Variants in SUGCT observed in about 807,000 individuals in gnomAD.
SUGCT encodes the protein succinyl-CoA:glutarate CoA-transferase.
A neutral mutation model predicts 55.0 loss-of-function variants in SUGCT; 41 were observed. That is an observed-to-expected ratio of 0.74 (90% CI 0.58 to 0.97). The LOEUF is 0.97. Ranked by LOEUF, SUGCT falls within the 50% of genes least tolerant of loss-of-function variation. The pLI, the probability that SUGCT is intolerant of heterozygous loss-of-function variation, is 0.00. For synonymous variants in SUGCT, 187 were observed against 200.4 expected, an observed-to-expected ratio of 0.93 and a Z score of 0.56; for missense variants, 568 against 547.8, an observed-to-expected ratio of 1.04 and a Z score of -0.37.
intron 9 of SUGCT, among the ~76,000 whole-genome samples, chr7:40,390,169 G>A (rs984422879): frequency 6.6e-6 from 1 of 152,098 alleles, no homozygotes; most frequent in Non-Finnish European, 1.5e-5. Flanking sequence ...CAAACCCACA[G>A]CCAATATCAT....
chr7:41,021,403 A>G, the SUGCT span, among the ~76,000 whole-genome samples: 1 of 152,138 alleles, frequency 6.6e-6, no homozygotes, highest in African/African-American at 2.4e-5. Context: ...ACTTTATCCA[A>G]CTGTTTTGTA....
intron 12 of SUGCT, among the ~76,000 whole-genome samples, chr7:40,709,919 CAG>C (rs1785622651): frequency 6.6e-6 from 1 of 152,164 alleles, no homozygotes; most frequent in African/African-American, 2.4e-5. Context: ...TGCTGCTAGT[CAG>C]GGGTTAGGAA....
chr7:40,910,955 G>A, the SUGCT span, among the ~76,000 whole-genome samples: 1 of 152,168 alleles, frequency 6.6e-6, no homozygotes, highest in African/African-American at 2.4e-5. Flanking sequence ...GCAATGGATT[G>A]TGTTTTCAGG....
the SUGCT span, among the ~76,000 whole-genome samples, chr7:40,885,209 GCTCCAGCGTTTTCAC>G: frequency 6.6e-6 from 1 of 152,066 alleles, no homozygotes; most frequent in Non-Finnish European, 1.5e-5. Context: ...ATACTTGCAG[GCTCCAGCGTTTTCAC>G]CGTATGATTC....
At position 40,711,584 on chromosome 7, in the gene SUGCT, G is replaced by A. The variant is rs73689839; in HGVS notation, c.1090-37850G>A. On this transcript the variant is annotated intron_variant, in intron 12 of 13. Coordinates refer to ENST00000335693, the MANE Select transcript of SUGCT (RefSeq NM_001193313.2). Reference sequence around the variant, plus strand: ...ATGGAGACGTTAGTTTGCAACTTCTGTATTAAAAACTGCCATACCCATTTC... The same window carrying A: ...ATGGAGACGTTAGTTTGCAACTTCTATATTAAAAACTGCCATACCCATTTC... Among the ~76,000 whole-genome samples the A allele has an allele frequency of 1.7e-3, 256 of 152,252 alleles. 1 individual carries two copies. Among genetic ancestry groups the A allele is most frequent in the African/African-American group, 5.8e-3 (241 of 41,568 alleles).
intron 11 of SUGCT, among the ~76,000 whole-genome samples, chr7:40,460,965 C>T (rs897941246): frequency 2.6e-5 from 4 of 152,106 alleles, no homozygotes; most frequent in East Asian, 1.9e-4. Flanking sequence ...TTGGTACTGC[C>T]GTTAAAACAC....
chr7:40,901,774 C>A, the SUGCT span, among the ~76,000 whole-genome samples: 1 of 152,138 alleles, frequency 6.6e-6, no homozygotes, highest in African/African-American at 2.4e-5. Context: ...AATTGAATTA[C>A]GGTCTTAAAA....
intron 6 of SUGCT, among the ~76,000 whole-genome samples, chr7:40,199,344 T>C (rs1388140675): frequency 1.3e-5 from 2 of 152,170 alleles, no homozygotes; most frequent in African/African-American, 2.4e-5. Flanking sequence ...ACCTGATTAT[T>C]TTTATTAGCA....
chr7:40,139,197 A>T lies in SUGCT; in HGVS notation c.100+4077A>T, dbSNP rs541853304. On this transcript the variant is annotated intron_variant, in intron 1 of 13. Coordinates refer to ENST00000335693, the MANE Select transcript of SUGCT (RefSeq NM_001193313.2). ...AAATAAATCCAGGATTCATAATATT[A>T]ATTAATTTATTTAATTTTGTGACAA... 2.0e-5 allele frequency among the ~76,000 whole-genome samples: 3 copies of T among 152,056 alleles called. No individual in the cohort carries two copies. The East Asian group carries it at 5.8e-4, about 29-fold the overall frequency.
At chr7:40,286,604 T>C (rs912948498) in intron 8 of SUGCT, among the ~76,000 whole-genome samples, 16 of 152,212 alleles carry the variant, frequency 1.1e-4, no homozygotes, top group Non-Finnish European at 1.5e-4. Context: ...TGGTTAAACA[T>C]TGTAGAACAT....
intron 9 of SUGCT, among the ~76,000 whole-genome samples, chr7:40,386,988 G>A (rs1489828669): frequency 6.6e-6 from 1 of 152,034 alleles, no homozygotes; most frequent in Non-Finnish European, 1.5e-5. Flanking sequence ...GCTTCTTTTT[G>A]TGTCCATAGT....
intron 12 of SUGCT, among the ~76,000 whole-genome samples, chr7:40,725,643 G>A: frequency 6.6e-6 from 1 of 150,868 alleles, no homozygotes; most frequent in East Asian, 2.0e-4. Flanking sequence ...TCCCCTATGA[G>A]GAAGCTGATA....
intron 9 of SUGCT, among the ~76,000 whole-genome samples, chr7:40,437,679 A>G (rs1788251948): frequency 6.6e-6 from 1 of 152,186 alleles, no homozygotes; most frequent in Non-Finnish European, 1.5e-5. Flanking sequence ...GGTAGGAAAT[A>G]GTGCTCTATG....
intron 13 of SUGCT, among the ~76,000 whole-genome samples, chr7:40,841,199 GACA>G (rs1311671787): frequency 6.6e-6 from 1 of 151,642 alleles, no homozygotes; most frequent in Non-Finnish European, 1.5e-5. Flanking sequence ...TGCTGACACA[GACA>G]ACAAAATGTA....
At chr7:40,622,594 T>C (rs1799327526) in intron 12 of SUGCT, among the ~76,000 whole-genome samples, 1 of 143,406 alleles carries the variant, frequency 7.0e-6, no homozygotes, top group Admixed American at 7.1e-5. Flanking sequence ...CACACACATA[T>C]ATGCATACTG....
chr7:40,798,206 A>C (rs1489239968), intron 13 of SUGCT, among the ~76,000 whole-genome samples: 1 of 152,118 alleles, frequency 6.6e-6, no homozygotes, highest in Non-Finnish European at 1.5e-5. Flanking sequence ...CTTCCCAGTG[A>C]TCTTCTTGAC....
chr7:40,779,984 A>G (rs1251407459), intron 13 of SUGCT, among the ~76,000 whole-genome samples: 3 of 152,204 alleles, frequency 2.0e-5, no homozygotes, highest in Non-Finnish European at 4.4e-5. Context: ...TGTGGAAGCC[A>G]TTGACGATCA....
intron 1 of SUGCT, among the ~76,000 whole-genome samples, chr7:40,161,359 G>A (rs930058323): frequency 2.6e-5 from 4 of 152,116 alleles, no homozygotes; most frequent in Non-Finnish European, 5.9e-5. Context: ...TCCATGGAAT[G>A]GGCTCTCTCT....
chr7:40,548,355 A>AT (rs930840111), intron 12 of SUGCT, among the ~76,000 whole-genome samples: 12 of 151,830 alleles, frequency 7.9e-5, no homozygotes, highest in African/African-American at 1.2e-4. Flanking sequence ...CACACTGCTA[A>AT]TTTTTTAAAA....
Sources: gnomAD v4.1 joint callset for allele counts (sites outside exome capture counted in the v4.1 genomes callset) on GRCh38, gnomAD v4.1.1 for gene constraint, MANE v1.5 for transcripts, NCBI Gene and HGNC (gene_info 2026-07-23, HGNC 2026-07-21) for gene names.